Variants in CEMIP2 observed in about 807,000 individuals in gnomAD.
CEMIP2 encodes the protein cell migration inducing hyaluronidase 2, also known as cell surface hyaluronidase CEMIP2.
A neutral mutation model predicts 146.9 loss-of-function variants in CEMIP2; 79 were observed. The ratio of observed to expected loss-of-function variants is 0.54; its 90% CI spans 0.45 to 0.65. The LOEUF (loss-of-function observed/expected upper bound fraction) is 0.65, where lower values mean the gene tolerates loss of function less well. CEMIP2 is among the 30% of genes least tolerant of loss of function. The probability of loss-of-function intolerance (pLI) is 0.00; values close to 1 mark genes in which losing one functional copy is unlikely to be tolerated. For missense variants in CEMIP2, 1,596 were observed against 1,696.2 expected, an observed-to-expected ratio of 0.94 and a Z score of 1.04; for synonymous variants, 601 against 606.3, an observed-to-expected ratio of 0.99 and a Z score of 0.13.
intron 16 of CEMIP2, 92 bp downstream of exon 16, chr9:71,711,991 G>T: frequency 7.3e-7 from 1 of 1,374,524 alleles, no homozygotes; most frequent in South Asian, 1.4e-5. Flanking sequence ...GTACAGACTC[G>T]GTGCAAATCC....
rs1823717486 is a variant in CEMIP2 at position 71,734,853 on chromosome 9, G to C, written c.1346C>G (p.Thr449Ser). 1 of 1,613,896 alleles carries C rather than the reference G, an allele frequency of 6.2e-7. No homozygotes were observed. The change falls in exon 6 of 24, where the codon ACT becomes AGT. Residue 449 changes from threonine (T) to serine (S), a missense_variant. By Grantham distance (58) the Thr-to-Ser change is moderately conservative. Coordinates refer to ENST00000377044, the MANE Select transcript of CEMIP2 (RefSeq NM_013390.3). ...GCTGCATTCAGAACAGGGAAGAAGA[G>C]TGAACTCCTCTGCTTGGTACATGGA... Reference protein sequence around the residue: ...DYSMYQAEEFTLLPCSECSHF... With the variant: ...DYSMYQAEEFSLLPCSECSHF...
At chr9:71,720,171 T>C (rs1396961507) in intron 12 of CEMIP2, among the ~76,000 whole-genome samples, 3 of 152,252 alleles carry the variant, frequency 2.0e-5, no homozygotes, top group Non-Finnish European at 4.4e-5. Flanking sequence ...CCTTTCACTC[T>C]TGTAGATTAA....
In CEMIP2 at chr9:71,711,955, C is replaced by G. The variant is rs1264572769; in HGVS notation, c.2769+128G>C. 13 of 951,904 alleles carry G rather than the reference C, an allele frequency of 1.4e-5. No homozygotes were observed. The Admixed American group carries it at 2.6e-4, about 19-fold the overall frequency. 59.0% of individuals were successfully genotyped at this position (951,904 alleles called of 1,614,324 possible). A position where few individuals can be genotyped will look rare whatever the true frequency, so the allele number is the denominator to read the frequency against. On this transcript the variant is annotated intron_variant, in intron 16 of 23. Coordinates refer to ENST00000377044, the MANE Select transcript of CEMIP2 (RefSeq NM_013390.3). ...GAGAGTGCATGGAATTAGGAGCTGG[C>G]TCTGTGTGTATGTCTCCTCCCACTC...
chr9:71,706,739 C>T (rs1336736532), intron 17 of CEMIP2, among the ~76,000 whole-genome samples: 3 of 152,112 alleles, frequency 2.0e-5, no homozygotes, highest in Admixed American at 6.5e-5. Flanking sequence ...GATAGATATA[C>T]GCACACATGC....
intron 20 of CEMIP2, among the ~76,000 whole-genome samples, chr9:71,696,392 T>C (rs553566767): frequency 6.6e-6 from 1 of 152,170 alleles, no homozygotes; most frequent in East Asian, 1.9e-4. Context: ...CTCTGGTTGG[T>C]TGATTTTTGA....
Position 71,683,834 on chromosome 9 carries a change from T to C in CEMIP2, c.*1363A>G, listed in dbSNP as rs968255626. 4.6e-5 allele frequency: 7 copies of C among 152,678 alleles called. No individual in the cohort carries two copies. Among genetic ancestry groups the C allele is most frequent in the African/African-American group, 2.4e-5 (1 of 41,444 alleles). The allele number at this position is 152,678 out of a possible 1,614,324, so 9.5% of individuals were successfully genotyped here. Reference sequence around the variant, plus strand: ...AGGAAAGTGAAATTATCTGTACTCATTGCCAGTGTCAGCCTGAACACACTT... The same window carrying C: ...AGGAAAGTGAAATTATCTGTACTCACTGCCAGTGTCAGCCTGAACACACTT... On this transcript the variant is annotated 3_prime_UTR_variant, in exon 24 of 24. Transcript: ENST00000377044.
In CEMIP2 at chr9:71,712,184, G is replaced by A. The variant is rs1395384281; in HGVS notation, c.2668C>T (p.Pro890Ser). 6.2e-7 allele frequency: 1 copy of A among 1,614,108 alleles called. No homozygotes were observed. The highest frequency in any genetic ancestry group is 8.5e-7 in the Non-Finnish European group (1 of 1,179,998). The part of the protein sequence containing the change: ...LTRSTFKKYV[P>S]TPDRYSSAIG... ...GCACTGCTGTACCTATCTGGAGTTG[G>A]CACATATTTTTTGAAAGTGCTCCTT... is the stretch of plus-strand genomic sequence containing the variant. Residue 890 changes from proline (P) to serine (S), a missense_variant, in exon 16 of 24, where the codon CCA becomes TCA. Coordinates refer to ENST00000377044, the MANE Select transcript of CEMIP2 (RefSeq NM_013390.3).
At chr9:71,694,677 G>A in intron 20 of CEMIP2, 70 bp from the exon 21 acceptor site, 3 of 988,258 alleles carry the variant, frequency 3.0e-6, no homozygotes, top group Non-Finnish European at 4.7e-6. Context: ...TCAATATAAA[G>A]TTAATTATAA....
chr9:71,691,493 T>C (rs1372714490), intron 21 of CEMIP2, among the ~76,000 whole-genome samples: 2 of 151,564 alleles, frequency 1.3e-5, no homozygotes, highest in East Asian at 3.9e-4. Flanking sequence ...TCTGGAAGCA[T>C]TTGAAGTAAA....
rs1344391832 is a variant in CEMIP2, at chr9:71,690,180, C to T, written c.3763G>A (p.Val1255Ile). ...GTTTTTTCCGTCAAGCGGAATGGAA[C>T]GCTGCACGGATCCACAACAAGGAGG... ...VLLLVVDPCS[V>I]PFRLTEKTVF... Residue 1255 changes from valine to isoleucine, a missense_variant, in exon 22 of 24, where the codon GTT becomes ATT. Coordinates refer to ENST00000377044, the MANE Select transcript of CEMIP2 (RefSeq NM_013390.3). 1.4e-5 allele frequency: 22 copies of T among 1,614,136 alleles called. No individual in the cohort carries two copies. The highest frequency in any genetic ancestry group is 1.9e-5 in the Non-Finnish European group (22 of 1,180,004).
chr9:71,730,002 G>A lies in CEMIP2; in HGVS notation c.1979+46C>T, dbSNP rs371890118. Reference sequence around the variant, plus strand: ...TTCCCCCAAAACCTCTTCCCCAAAAGTCAAAGGCCCTGACTCATGGGTTTT... The same window carrying A: ...TTCCCCCAAAACCTCTTCCCCAAAAATCAAAGGCCCTGACTCATGGGTTTT... On this transcript the variant is annotated intron_variant, in intron 9 of 23. Coordinates refer to ENST00000377044, the MANE Select transcript of CEMIP2 (RefSeq NM_013390.3). The A allele has an allele frequency of 6.9e-5, 112 of 1,613,216 alleles. 1 individual carries two copies. The Admixed American group carries it at 1.3e-3, about 18-fold the overall frequency.
rs142300538 is a variant in CEMIP2, at chr9:71,701,391, C to A, written c.3195-567G>T. 4.2e-3 allele frequency among the ~76,000 whole-genome samples: 633 copies of A among 152,246 alleles called. 3 individuals carry two copies. The highest frequency in any genetic ancestry group is 5.6e-3 in the Non-Finnish European group (384 of 68,028). On this transcript the variant is annotated intron_variant, in intron 18 of 23. Transcript: ENST00000377044. ...AGAGTGCTGGGATTACAGGCGTGAG[C>A]CACCGTGTCCAGCCCTAAAAATTCT... is the stretch of plus-strand genomic sequence containing the variant.
chr9:71,722,607 A>G (rs1823266465), intron 11 of CEMIP2, 92 bp from the exon 12 acceptor site: 1 of 998,790 alleles, frequency 1.0e-6, no homozygotes, highest in Non-Finnish European at 1.4e-6. Flanking sequence ...TTAGCTTATC[A>G]CTTCTACCAA....
chr9:71,721,807 AT>A (rs1286771928), intron 12 of CEMIP2, among the ~76,000 whole-genome samples: 1 of 152,166 alleles, frequency 6.6e-6, no homozygotes, highest in Non-Finnish European at 1.5e-5. Flanking sequence ...AGAAAAGTTT[AT>A]TTTCATCTGG....
At chr9:71,749,033 A>T (rs1438865921) in intron 2 of CEMIP2, among the ~76,000 whole-genome samples, 1 of 152,204 alleles carries the variant, frequency 6.6e-6, no homozygotes, top group African/African-American at 2.4e-5. Flanking sequence ...TTTTAGACAG[A>T]TGGATGGTAT....
At chr9:71,761,243 T>C (rs1824625682) in intron 1 of CEMIP2, among the ~76,000 whole-genome samples, 2 of 152,182 alleles carry the variant, frequency 1.3e-5, no homozygotes, top group Non-Finnish European at 2.9e-5. Context: ...CCAAAGACAA[T>C]GCATTAAAAT....
chr9:71,695,896 G>A (rs531552094), intron 20 of CEMIP2, among the ~76,000 whole-genome samples: 166 of 152,030 alleles, frequency 1.1e-3, no homozygotes, highest in African/African-American at 3.9e-3. Flanking sequence ...TGGGAGGATC[G>A]CTTGAGCCCA....
chr9:71,715,607 T>A (rs1823027123), intron 14 of CEMIP2, among the ~76,000 whole-genome samples: 1 of 136,220 alleles, frequency 7.3e-6, no homozygotes, highest in Non-Finnish European at 1.6e-5. Context: ...TATATATACA[T>A]ACATATATCC....
intron 5 of CEMIP2, among the ~76,000 whole-genome samples, chr9:71,735,722 G>A (rs1469785928): frequency 2.0e-5 from 3 of 152,116 alleles, no homozygotes; most frequent in African/African-American, 7.2e-5. Flanking sequence ...GGTTAAGGCT[G>A]CAGTGAGCTA....
Sources: gnomAD v4.1 joint callset for allele counts (sites outside exome capture counted in the v4.1 genomes callset) on GRCh38, gnomAD v4.1.1 for gene constraint, MANE v1.5 for transcripts, NCBI Gene and HGNC (gene_info 2026-07-23, HGNC 2026-07-21) for gene names.